Variants in PTPRN2 observed in about 807,000 individuals in gnomAD.
The protein encoded by PTPRN2 is protein tyrosine phosphatase receptor type N2.
A neutral mutation model predicts 118.8 loss-of-function variants in PTPRN2; 74 were observed. The ratio of observed to expected loss-of-function variants is 0.62; its 90% CI spans 0.52 to 0.76. The LOEUF (loss-of-function observed/expected upper bound fraction) is 0.76, where lower values mean the gene tolerates loss of function less well. PTPRN2 is among the 30% of genes least tolerant of loss of function. The pLI is 0.00. For missense variants in PTPRN2, 1,481 were observed against 1,394.4 expected, an observed-to-expected ratio of 1.06 and a Z score of -0.99; for synonymous variants, 641 against 608.0, an observed-to-expected ratio of 1.05 and a Z score of -0.80.
Position 158,330,044 on chromosome 7 carries a change from ACGT to A in PTPRN2, c.164-13115_164-13113del, listed in dbSNP as rs1478845947. Among the ~76,000 whole-genome samples, 37 of 146,882 alleles carry A rather than the reference ACGT, an allele frequency of 2.5e-4. 1 individual carries two copies. The highest frequency in any genetic ancestry group is 8.8e-4 in the African/African-American group (35 of 39,658). Reference sequence around the variant, plus strand: ...TCACCATAAGAGGTGACATCTGCAGACGTCACTCACACCCACACTCTCACCATA... The same window carrying A: ...TCACCATAAGAGGTGACATCTGCAGACACTCACACCCACACTCTCACCATA... On this transcript the variant is annotated intron_variant, in intron 2 of 22. Coordinates refer to ENST00000389418, the MANE Select transcript of PTPRN2 (RefSeq NM_002847.5).
At position 157,903,412 on chromosome 7, in the gene PTPRN2, C is replaced by A. The variant is rs555424266; in HGVS notation, c.1724-4675G>T. Among the ~76,000 whole-genome samples the A allele has an allele frequency of 1.3e-5, 2 of 152,212 alleles. No individual in the cohort carries two copies. The highest frequency in any genetic ancestry group is 4.2e-4 in the South Asian group (2 of 4,802). ...CCCAGGTCACAAGTGTACCCCAAACCTCAGCACCACCAGTATACCCAGGTC... is the reference window on the plus strand; with the variant it reads ...CCCAGGTCACAAGTGTACCCCAAACATCAGCACCACCAGTATACCCAGGTC... On this transcript the variant is annotated intron_variant, in intron 11 of 22. Coordinates refer to ENST00000389418, the MANE Select transcript of PTPRN2 (RefSeq NM_002847.5). The surrounding 1 kb of genome is among the most constrained non-coding windows in gnomAD (Gnocchi z 4.2).
intron 1 of PTPRN2, among the ~76,000 whole-genome samples, chr7:158,504,568 C>T (rs1215508512): frequency 6.6e-6 from 1 of 152,180 alleles, no homozygotes. Context: ...ATGGTGTGTA[C>T]GTATGTACCA....
intron 2 of PTPRN2, among the ~76,000 whole-genome samples, chr7:158,464,325 C>T (rs112183194): frequency 2.0e-4 from 10 of 50,724 alleles, no homozygotes; most frequent in East Asian, 8.9e-4. Context: ...TCCTTCATCA[C>T]CACCGTCATC....
intron 12 of PTPRN2, among the ~76,000 whole-genome samples, chr7:157,852,091 G>A (rs1157895336): frequency 2.0e-5 from 3 of 152,222 alleles, no homozygotes; most frequent in African/African-American, 4.8e-5. Context: ...AGCGGTGCCC[G>A]CTGAGGAGTC....
rs376961106 is a variant in PTPRN2 at position 158,210,281 on chromosome 7, G to A, written c.278-5008C>T. Among the ~76,000 whole-genome samples, 733 of 151,538 alleles carry A rather than the reference G, an allele frequency of 4.8e-3. 7 individuals are homozygous for A. Among genetic ancestry groups the A allele is most frequent in the African/African-American group, 0.017 (699 of 41,364 alleles). ...CTCCCGAGTAGCTGGGACTACAGGC[G>A]CCCGCTACCACGCCTGGCTAATTTT... On this transcript the variant is annotated intron_variant, in intron 3 of 22. Transcript: ENST00000389418.
At chr7:158,023,305 ACCCCAGGTGAGTCTCTGCTCTCTCAGT>A (rs1179069252) in intron 11 of PTPRN2, among the ~76,000 whole-genome samples, 26 of 151,896 alleles carry the variant, frequency 1.7e-4, no homozygotes, top group African/African-American at 6.3e-4. Flanking sequence ...GCTCTCTCAG[ACCCCAGGTGAGTCTCTGCTCTCTCAGT>A]CCCCAGGTGA....
rs1215384390 is a variant in PTPRN2 at position 158,525,653 on chromosome 7, G to A, written c.113-35868C>T. 6.6e-6 allele frequency among the ~76,000 whole-genome samples: 1 copy of A among 152,198 alleles called. No homozygotes were observed. Among genetic ancestry groups the A allele is most frequent in the Non-Finnish European group, 1.5e-5 (1 of 68,036 alleles). ...TCAGCATAATCACACATATTACGGG[G>A]ATTTTTAAAGATCCTTTCATGCACA... On this transcript the variant is annotated intron_variant, in intron 1 of 22. Transcript: ENST00000389418. The surrounding 1 kb of genome is among the most constrained non-coding windows in gnomAD (Gnocchi z 4.1).
chr7:158,151,328 C>T (rs111526096), intron 6 of PTPRN2, among the ~76,000 whole-genome samples: 3 of 14,456 alleles, frequency 2.1e-4, no homozygotes, highest in Admixed American at 2.5e-3. Context: ...CCTTCTATTC[C>T]TGCCTCTCCC....
chr7:158,482,318 C>T (rs1344122943), intron 2 of PTPRN2, among the ~76,000 whole-genome samples: 1 of 152,164 alleles, frequency 6.6e-6, no homozygotes, highest in South Asian at 2.1e-4. Flanking sequence ...AACAGCATTG[C>T]GTTCTGCAAA....
chr7:158,245,076 A>G (rs1474327603), intron 3 of PTPRN2, among the ~76,000 whole-genome samples: 3 of 152,236 alleles, frequency 2.0e-5, no homozygotes, highest in Non-Finnish European at 4.4e-5. Flanking sequence ...TGAGGCGTCC[A>G]GCCCTGCATC....
chr7:158,569,198 A>G (rs1827828111), intron 1 of PTPRN2, among the ~76,000 whole-genome samples: 1 of 152,266 alleles, frequency 6.6e-6, no homozygotes, highest in African/African-American at 2.4e-5. Context: ...AGGGGAATAC[A>G]TCTGACAATA....
chr7:157,727,347 T>G (rs116240211), intron 12 of PTPRN2, among the ~76,000 whole-genome samples: 2,502 of 152,244 alleles, frequency 0.016, 65 homozygotes, highest in African/African-American at 0.057. Context: ...CCTGAGGACA[T>G]GTGCCCAGTG....
At chr7:158,451,616 C>T (rs887559905) in intron 2 of PTPRN2, among the ~76,000 whole-genome samples, 3 of 152,268 alleles carry the variant, frequency 2.0e-5, no homozygotes, top group Middle Eastern at 3.4e-3. Context: ...TCTGTGTCAG[C>T]CCATCTACCT....
rs987418867 is a variant in PTPRN2, at chr7:158,310,726, A to G, written c.277+6093T>C. On this transcript the variant is annotated intron_variant, in intron 3 of 22. Transcript: ENST00000389418. The stretch of plus-strand genomic sequence containing the variant: ...GCGAGCCCTGAGCCGGACAGAGCGC[A>G]AGTCCCACGGAGGGCAAGCCCTGAG... 1.8e-3 allele frequency among the ~76,000 whole-genome samples: 247 copies of G among 141,136 alleles called. 3 individuals carry two copies. Among genetic ancestry groups the G allele is most frequent in the African/African-American group, 6.3e-3 (231 of 36,908 alleles). The allele number at this position is 141,136 out of a possible 152,430, so 92.6% of individuals were successfully genotyped here. A position where few individuals can be genotyped will look rare whatever the true frequency, so the allele number is the denominator to read the frequency against.
At position 158,248,930 on chromosome 7, in the gene PTPRN2, T is replaced by C. The variant is rs889249719; in HGVS notation, c.278-43657A>G. 4.3e-5 allele frequency among the ~76,000 whole-genome samples: 6 copies of C among 139,308 alleles called. No individual in the cohort carries two copies. The East Asian group carries it at 6.6e-4, about 15-fold the overall frequency. 91.4% of individuals were successfully genotyped at this position (139,308 alleles called of 152,430 possible). ...ATATATACACCACACAGTGCACACA[T>C]GCCACACACATGCACCCACATCACA... On this transcript the variant is annotated intron_variant, in intron 3 of 22. Coordinates refer to ENST00000389418, the MANE Select transcript of PTPRN2 (RefSeq NM_002847.5).
rs79961259 is a variant in PTPRN2, at chr7:157,843,020, G to A, written c.1788+55653C>T. ...TCTAAAGTCATGCTCTGTGAACATCGTTATGACAGTGAAAACCACGACTTT... is the reference window on the plus strand; with the variant it reads ...TCTAAAGTCATGCTCTGTGAACATCATTATGACAGTGAAAACCACGACTTT... On this transcript the variant is annotated intron_variant, in intron 12 of 22. Coordinates refer to ENST00000389418, the MANE Select transcript of PTPRN2 (RefSeq NM_002847.5). Among the ~76,000 whole-genome samples the A allele has an allele frequency of 5.3e-3, 809 of 152,266 alleles. 4 individuals carry two copies. Among genetic ancestry groups the A allele is most frequent in the African/African-American group, 0.019 (776 of 41,558 alleles).
intron 3 of PTPRN2, among the ~76,000 whole-genome samples, chr7:158,296,916 G>A (rs757821079): frequency 6.4e-4 from 97 of 152,208 alleles, no homozygotes; most frequent in Non-Finnish European, 1.2e-3. Context: ...AGGTGGACAC[G>A]CCCGGCACTC....
intron 12 of PTPRN2, among the ~76,000 whole-genome samples, chr7:157,786,065 G>A (rs542525549): frequency 2.1e-4 from 32 of 152,252 alleles, no homozygotes; most frequent in African/African-American, 6.0e-4. Flanking sequence ...GGGCACGAGC[G>A]TTAGCCGCAC....
Position 157,794,900 on chromosome 7 carries a change from T to G in PTPRN2, c.1788+103773A>C, listed in dbSNP as rs1184297673. Among the ~76,000 whole-genome samples, 1 of 152,252 alleles carries G rather than the reference T, an allele frequency of 6.6e-6. No individual in the cohort carries two copies. Among genetic ancestry groups the G allele is most frequent in the Non-Finnish European group, 1.5e-5 (1 of 68,042 alleles). On this transcript the variant is annotated intron_variant, in intron 12 of 22. Transcript: ENST00000389418. This position sits in a 1 kb window ranked among gnomAD's most constrained non-coding sequence, Gnocchi z 5.2. ...GTCATGCTAAAGCACATCACCTCGG[T>G]CCTCAGAGAGGAGGGATTTCCATGT...
Sources: allele counts gnomAD v4.1 joint callset (sites outside exome capture counted in the v4.1 genomes callset), GRCh38; gene constraint gnomAD v4.1.1; non-coding constraint Gnocchi (gnomAD v3.1); transcripts MANE v1.5; gene names NCBI Gene and HGNC (gene_info 2026-07-23, HGNC 2026-07-21).